The following PTPRN2 variants were observed in gnomAD, a reference collection of about 807,000 sequenced individuals.
The protein encoded by PTPRN2 is receptor-type tyrosine-protein phosphatase N2.
A neutral mutation model predicts 118.8 loss-of-function variants in PTPRN2; 74 were observed. The observed-to-expected ratio is 0.62, with a 90% CI of 0.52 to 0.76. PTPRN2 has a LOEUF of 0.76. Among genes scored for constraint, PTPRN2 ranks in the 30% least tolerant of loss-of-function variants. The pLI is 0.00. For synonymous variants in PTPRN2, 641 were observed against 608.0 expected, an observed-to-expected ratio of 1.05 and a Z score of -0.80; for missense variants, 1,481 against 1,394.4, an observed-to-expected ratio of 1.06 and a Z score of -0.99.
At chr7:158,536,891 T>A (rs981111351) in intron 1 of PTPRN2, among the ~76,000 whole-genome samples, 27 of 152,170 alleles carry the variant, frequency 1.8e-4, no homozygotes. Flanking sequence ...TGAGCAAACA[T>A]CTGTCAGTAG....
intron 3 of PTPRN2, among the ~76,000 whole-genome samples, chr7:158,224,016 A>C (rs1828565075): frequency 6.6e-6 from 1 of 152,320 alleles, no homozygotes; most frequent in Admixed American, 6.5e-5. Context: ...AATACTATTT[A>C]AAACCACTCA....
chr7:158,354,041 G>A (rs1808203476), intron 2 of PTPRN2, among the ~76,000 whole-genome samples: 1 of 152,190 alleles, frequency 6.6e-6, no homozygotes, highest in Non-Finnish European at 1.5e-5. Flanking sequence ...GTGCTCCCAG[G>A]TCCCCTCCCA....
intron 1 of PTPRN2, among the ~76,000 whole-genome samples, chr7:158,521,083 C>T (rs1823957037): frequency 6.6e-6 from 1 of 152,258 alleles, no homozygotes; most frequent in Admixed American, 6.5e-5. Flanking sequence ...GGCGCTCAGT[C>T]CTGCAGACGC....
rs1037071612 is a variant in PTPRN2, at chr7:157,566,196, G to A, written c.2902+2706C>T. ...AGGACTGGAGGGCCCTAACATCAGC[G>A]TTGGCACTGCCCGACTGCCCGGGAA... On this transcript the variant is annotated intron_variant, in intron 21 of 22. Transcript: ENST00000389418. Among the ~76,000 whole-genome samples, 6 of 152,366 alleles carry A rather than the reference G, an allele frequency of 3.9e-5. No individual in the cohort carries two copies. The South Asian group carries it at 1.0e-3, about 26-fold the overall frequency.
At chr7:158,314,401 C>T (rs556758433) in intron 3 of PTPRN2, among the ~76,000 whole-genome samples, 1 of 152,382 alleles carries the variant, frequency 6.6e-6, no homozygotes, top group East Asian at 1.9e-4. Context: ...AATATTTACA[C>T]AACCTTCCTT....
intron 11 of PTPRN2, among the ~76,000 whole-genome samples, chr7:158,057,802 C>T (rs1235137572): frequency 6.6e-6 from 1 of 152,218 alleles, no homozygotes; most frequent in Non-Finnish European, 1.5e-5. Context: ...TTCATGTGCA[C>T]AAGGTCCACA....
intron 2 of PTPRN2, among the ~76,000 whole-genome samples, chr7:158,332,440 C>T (rs1334291406): frequency 2.0e-5 from 3 of 150,572 alleles, no homozygotes; most frequent in Admixed American, 6.6e-5. Context: ...GCAGACGTCA[C>T]TCACACCCAC....
intron 2 of PTPRN2, among the ~76,000 whole-genome samples, chr7:158,395,148 C>T (rs1312327384): frequency 6.6e-6 from 1 of 152,006 alleles, no homozygotes; most frequent in Admixed American, 6.5e-5. Context: ...CAAGGTTCAC[C>T]CACCTTCCAG....
intron 1 of PTPRN2, among the ~76,000 whole-genome samples, chr7:158,506,065 G>A (rs939041490): frequency 6.6e-6 from 1 of 152,178 alleles, no homozygotes; most frequent in African/African-American, 2.4e-5. Context: ...ATTTCCAGAG[G>A]GCTTGGGACG....
intron 2 of PTPRN2, among the ~76,000 whole-genome samples, chr7:158,428,026 C>G (rs1206867966): frequency 6.6e-6 from 1 of 152,162 alleles, no homozygotes; most frequent in Non-Finnish European, 1.5e-5. Context: ...CGAGACCAGC[C>G]TAGCTGAGTC....
chr7:158,053,412 T>C (rs1809485306), intron 11 of PTPRN2, among the ~76,000 whole-genome samples: 1 of 152,184 alleles, frequency 6.6e-6, no homozygotes, highest in South Asian at 2.1e-4. Context: ...TGGCTCTGAC[T>C]GTTTAATTAA....
In PTPRN2 at chr7:158,022,998, A is replaced by G. The variant is rs1807011132; in HGVS notation, c.1723+58300T>C. Among the ~76,000 whole-genome samples the G allele has an allele frequency of 6.6e-6, 1 of 152,162 alleles. No homozygotes were observed. Among genetic ancestry groups the G allele is most frequent in the South Asian group, 2.1e-4 (1 of 4,826 alleles). ...GCACTCCTGTTTAGTCCTCAATGGG[A>G]AATGGGAAAGGGCTTTGTTTTCAGT... On this transcript the variant is annotated intron_variant, in intron 11 of 22. Transcript: ENST00000389418. The surrounding 1 kb of genome is among the most constrained non-coding windows in gnomAD (Gnocchi z 4.6).
At chr7:157,898,818 T>C (rs965848621) in intron 11 of PTPRN2, 81 bp from the exon 12 acceptor site, 13 of 1,304,424 alleles carry the variant, frequency 1.0e-5, no homozygotes, top group African/African-American at 1.5e-5. Flanking sequence ...TTTTCCTCCA[T>C]TGAAAATTTC....
intron 3 of PTPRN2, among the ~76,000 whole-genome samples, chr7:158,310,558 G>A (rs898792260): frequency 2.6e-5 from 4 of 152,254 alleles, no homozygotes; most frequent in Non-Finnish European, 2.9e-5. Flanking sequence ...ACAAATGGCC[G>A]GCCGGAGATG....
chr7:157,989,614 GA>G (rs1490203339), intron 11 of PTPRN2, among the ~76,000 whole-genome samples: 1 of 151,654 alleles, frequency 6.6e-6, no homozygotes, highest in Non-Finnish European at 1.5e-5. Flanking sequence ...GTGGAGGGAT[GA>G]GGGGGGTGGG....
At position 158,563,982 on chromosome 7, in the gene PTPRN2, G is replaced by A. The variant is rs962027066; in HGVS notation, c.112+23576C>T. ...CGAAACACACATCATGACAGCTCCT[G>A]CATCAGGGGGCTGCTGGGATGATTA... On this transcript the variant is annotated intron_variant, in intron 1 of 22. Transcript: ENST00000389418. This position sits in a 1 kb window ranked among gnomAD's most constrained non-coding sequence, Gnocchi z 5.1. 2.6e-5 allele frequency among the ~76,000 whole-genome samples: 4 copies of A among 152,160 alleles called. No homozygotes were observed. Among genetic ancestry groups the A allele is most frequent in the African/African-American group, 9.7e-5 (4 of 41,396 alleles).
At position 157,947,600 on chromosome 7, in the gene PTPRN2, T is replaced by C. The variant is rs114692408; in HGVS notation, c.1724-48863A>G. On this transcript the variant is annotated intron_variant, in intron 11 of 22. Coordinates refer to ENST00000389418, the MANE Select transcript of PTPRN2 (RefSeq NM_002847.5). ...AAAGAGGAACCCTGTTTTAGCACCT[T>C]TGGGCGAGACTGGCTTTCCAGGAGG... Among the ~76,000 whole-genome samples the C allele has an allele frequency of 8.0e-3, 1,221 of 152,260 alleles. 18 individuals are homozygous for C. The highest frequency in any genetic ancestry group is 0.028 in the African/African-American group (1,180 of 41,542).
chr7:158,431,847 C>T (rs1334039237), intron 2 of PTPRN2, among the ~76,000 whole-genome samples: 1 of 152,240 alleles, frequency 6.6e-6, no homozygotes, highest in Admixed American at 6.5e-5. Flanking sequence ...ACCCGAGGGA[C>T]AGGCTGGTGC....
chr7:157,581,650 G>T (rs973482676), intron 17 of PTPRN2, among the ~76,000 whole-genome samples: 2 of 152,224 alleles, frequency 1.3e-5, no homozygotes, highest in African/African-American at 4.8e-5. Flanking sequence ...GCAGACTTCG[G>T]CTGTTATTTG....
Sources: allele counts gnomAD v4.1 joint callset (sites outside exome capture counted in the v4.1 genomes callset), GRCh38; gene constraint gnomAD v4.1.1; non-coding constraint Gnocchi (gnomAD v3.1); transcripts MANE v1.5; gene names NCBI Gene and HGNC (gene_info 2026-07-23, HGNC 2026-07-21).